Variants in GPR158 observed in about 807,000 individuals in gnomAD.
GPR158 encodes metabotropic glycine receptor.
A neutral mutation model predicts 78.2 loss-of-function variants in GPR158; 30 were observed. The ratio of observed to expected loss-of-function variants is 0.38; its 90% CI spans 0.29 to 0.52. The LOEUF (loss-of-function observed/expected upper bound fraction) is 0.52. Ranked by LOEUF, GPR158 falls within the 20% of genes least tolerant of loss-of-function variation. The probability of loss-of-function intolerance (pLI) is 0.83; values close to 1 mark genes in which losing one functional copy is unlikely to be tolerated. For missense variants in GPR158, 1,463 were observed against 1,523.5 expected, an observed-to-expected ratio of 0.96 and a Z score of 0.66; for synonymous variants, 581 against 591.1, an observed-to-expected ratio of 0.98 and a Z score of 0.25.
At chr10:25,527,708 A>T (rs2130689773) in intron 5 of GPR158, among the ~76,000 whole-genome samples, 1 of 152,276 alleles carries the variant, frequency 6.6e-6, no homozygotes, top group Admixed American at 6.5e-5. Context: ...GGGAAAAAAT[A>T]AAGTAAGAAT....
intron 3 of GPR158, among the ~76,000 whole-genome samples, chr10:25,403,794 A>G (rs1256869508): frequency 6.6e-6 from 1 of 152,050 alleles, no homozygotes; most frequent in African/African-American, 2.4e-5. Flanking sequence ...AGCATGAACA[A>G]TGAAGTGGTG....
chr10:25,468,258 T>G (rs562170337), intron 5 of GPR158, among the ~76,000 whole-genome samples: 23 of 152,220 alleles, frequency 1.5e-4, no homozygotes, highest in Non-Finnish European at 3.1e-4. Flanking sequence ...GGGTGCGAAA[T>G]TTTTTGGACT....
intron 5 of GPR158, among the ~76,000 whole-genome samples, chr10:25,528,304 A>G (rs1277072148): frequency 6.6e-6 from 1 of 151,908 alleles, no homozygotes; most frequent in Admixed American, 6.6e-5. Context: ...TTCCTTAACA[A>G]AGTATTAGAA....
chr10:25,192,243 A>G (rs746784498), intron 1 of GPR158, among the ~76,000 whole-genome samples: 1 of 152,132 alleles, frequency 6.6e-6, no homozygotes, highest in South Asian at 2.1e-4. Flanking sequence ...CTGCCACCTT[A>G]TGAAGAAGGT....
At chr10:25,397,572 T>A (rs71495452) in intron 3 of GPR158, among the ~76,000 whole-genome samples, 9,560 of 152,264 alleles carry the variant, frequency 0.063, 667 homozygotes, top group African/African-American at 0.18. Context: ...TAGATTTTTA[T>A]ACAGTTCTTT....
chr10:25,337,036 G>A (rs1200668055), intron 2 of GPR158, among the ~76,000 whole-genome samples: 2 of 152,064 alleles, frequency 1.3e-5, no homozygotes, highest in Non-Finnish European at 2.9e-5. Flanking sequence ...GTAGGATTCT[G>A]TAGATACTTA....
intron 5 of GPR158, among the ~76,000 whole-genome samples, chr10:25,521,139 C>T (rs962546670): frequency 9.2e-5 from 14 of 152,224 alleles, no homozygotes; most frequent in African/African-American, 1.4e-4. Context: ...CAGGTGCATC[C>T]GTCACCCCTT....
intron 2 of GPR158, among the ~76,000 whole-genome samples, chr10:25,247,458 C>T (rs1489223822): frequency 1.8e-4 from 19 of 105,506 alleles, no homozygotes; most frequent in Non-Finnish European, 3.4e-4. Context: ...AATGCTATCC[C>T]TCCCCCCTCC....
intron 5 of GPR158, among the ~76,000 whole-genome samples, chr10:25,539,293 T>C (rs150650961): frequency 1.3e-5 from 2 of 152,246 alleles, no homozygotes; most frequent in African/African-American, 4.8e-5. Context: ...AAGCTATGGG[T>C]CTCAGAGTTA....
At chr10:25,214,329 A>C (rs1193161337) in intron 1 of GPR158, among the ~76,000 whole-genome samples, 1 of 152,168 alleles carries the variant, frequency 6.6e-6, no homozygotes, top group Non-Finnish European at 1.5e-5. Flanking sequence ...TTTTAAAAAA[A>C]CTAGTTTTCT....
At chr10:25,485,077 C>T (rs1192556581) in intron 5 of GPR158, among the ~76,000 whole-genome samples, 2 of 151,284 alleles carry the variant, frequency 1.3e-5, no homozygotes, top group Admixed American at 1.3e-4. Flanking sequence ...TGCGAAATAC[C>T]TAGAGATGTT....
intron 5 of GPR158, among the ~76,000 whole-genome samples, chr10:25,536,753 A>C (rs1836506532): frequency 6.6e-6 from 1 of 152,194 alleles, no homozygotes; most frequent in African/African-American, 2.4e-5. Context: ...TGAAAGATTC[A>C]GTTATCTTGG....
intron 2 of GPR158, among the ~76,000 whole-genome samples, chr10:25,260,444 A>G (rs945017133): frequency 2.6e-5 from 4 of 152,058 alleles, no homozygotes; most frequent in Non-Finnish European, 4.4e-5. Flanking sequence ...GATCACTTCA[A>G]TTAAATTTTT....
intron 5 of GPR158, among the ~76,000 whole-genome samples, chr10:25,470,247 A>G (rs1835480001): frequency 6.6e-6 from 1 of 152,034 alleles, no homozygotes; most frequent in Non-Finnish European, 1.5e-5. Flanking sequence ...ATGTACTCCA[A>G]AATGTATGTG....
chr10:25,484,848 A>G (rs1835711225), intron 5 of GPR158, among the ~76,000 whole-genome samples: 1 of 152,134 alleles, frequency 6.6e-6, no homozygotes. Context: ...GTAATTATTC[A>G]TTTCTAGAGC....
At chr10:25,386,098 GT>G (rs1003097871) in intron 2 of GPR158, among the ~76,000 whole-genome samples, 2 of 152,048 alleles carry the variant, frequency 1.3e-5, no homozygotes, top group African/African-American at 4.8e-5. Context: ...TAGGTGTTAT[GT>G]TTAAGTCTTA....
In GPR158 at chr10:25,481,371, C is replaced by G. The variant is rs528007899; in HGVS notation, c.1404+14652C>G. Among the ~76,000 whole-genome samples, 3 of 152,118 alleles carry G rather than the reference C, an allele frequency of 2.0e-5. No homozygotes were observed. In the South Asian group the frequency reaches 6.2e-4, roughly 32 times the overall value. ...GTCAGTGAGATGAGTCAAATAGAGT[C>G]GAGTATATGTCCCAAGAAGATGATC... On this transcript the variant is annotated intron_variant, in intron 5 of 10. Transcript: ENST00000376351.
At chr10:25,346,955 GTTAC>G (rs1271607830) in intron 2 of GPR158, among the ~76,000 whole-genome samples, 1 of 151,880 alleles carries the variant, frequency 6.6e-6, no homozygotes, top group Non-Finnish European at 1.5e-5. Context: ...CCTTGGAAAT[GTTAC>G]TTTACCTCCA....
At chr10:25,304,524 T>A (rs1431773171) in intron 2 of GPR158, among the ~76,000 whole-genome samples, 1 of 152,104 alleles carries the variant, frequency 6.6e-6, no homozygotes, top group African/African-American at 2.4e-5. Flanking sequence ...AAAAGAAAGA[T>A]GATAATAGAA....
Sources: allele counts gnomAD v4.1 joint callset (sites outside exome capture counted in the v4.1 genomes callset), GRCh38; gene constraint gnomAD v4.1.1; transcripts MANE v1.5; gene names NCBI Gene and HGNC (gene_info 2026-07-23, HGNC 2026-07-21).